Variants in NIT2 observed in about 807,000 individuals in gnomAD.
NIT2 encodes nitrilase family member 2.
NIT2 carries 46 observed loss-of-function variants against 42.7 expected under a neutral mutation model. That is an observed-to-expected ratio of 1.08 (90% CI 0.85 to 1.38). The LOEUF (loss-of-function observed/expected upper bound fraction) is 1.38, where lower values mean the gene tolerates loss of function less well. Ranked by LOEUF, NIT2 falls within the 40% of genes most tolerant of loss-of-function variation. The pLI, the probability that NIT2 is intolerant of heterozygous loss-of-function variation, is 0.00. For synonymous variants in NIT2, 123 were observed against 121.9 expected, an observed-to-expected ratio of 1.01 and a Z score of -0.06; for missense variants, 309 against 342.5, an observed-to-expected ratio of 0.90 and a Z score of 0.77.
chr3:100,339,060 G>A (rs769073703), intron 1 of NIT2, 27 bp from the exon 2 acceptor site: 4 of 1,471,472 alleles, frequency 2.7e-6, no homozygotes, highest in Non-Finnish European at 3.8e-6. Flanking sequence ...TCTTCTGATA[G>A]CTGTTTTCTT....
chr3:100,340,988 C>A, intron 3 of NIT2, 85 bp from the exon 4 acceptor site: 2 of 875,148 alleles, frequency 2.3e-6, no homozygotes, highest in Non-Finnish European at 3.7e-6. Context: ...TATTTTTGGA[C>A]CCAAGTTATC....
rs889867984 is a variant in NIT2, at chr3:100,355,366, C to T, written c.*98C>T. On this transcript the variant is annotated 3_prime_UTR_variant, in exon 10 of 10. Coordinates refer to ENST00000394140, the MANE Select transcript of NIT2 (RefSeq NM_020202.5). ...TTTAATGAAGATTTTTTTTTTAATT[C>T]GGCCTTGTCCTTCCTAGGTTCTCTA... The T allele has an allele frequency of 2.7e-5, 23 of 864,204 alleles. No individual in the cohort carries two copies. Among genetic ancestry groups the T allele is most frequent in the Admixed American group, 1.1e-4 (4 of 37,154 alleles). 53.5% of individuals were successfully genotyped at this position (864,204 alleles called of 1,614,324 possible).
intron 2 of NIT2, 60 bp downstream of exon 2, chr3:100,339,265 G>C: frequency 9.3e-7 from 1 of 1,071,724 alleles, no homozygotes; most frequent in Non-Finnish European, 1.5e-6. Flanking sequence ...AACGGTGTTT[G>C]CTAGCTCTGG....
chr3:100,350,022 G>T (rs1348771530), intron 7 of NIT2: 1 of 152,178 alleles, frequency 6.6e-6, no homozygotes, highest in East Asian at 1.9e-4. Flanking sequence ...GTGAATTTTT[G>T]TGTATTCACC....
intron 5 of NIT2, 39 bp downstream of exon 5, chr3:100,345,717 T>C (rs992804748): frequency 8.2e-7 from 1 of 1,225,756 alleles, no homozygotes; most frequent in South Asian, 1.2e-5. Context: ...GCAATCTCAG[T>C]AGAAGACAAT....
intron 8 of NIT2, among the ~76,000 whole-genome samples, chr3:100,353,993 C>T (rs932859863): frequency 1.3e-5 from 2 of 152,154 alleles, no homozygotes; most frequent in South Asian, 2.1e-4. Flanking sequence ...CCAGGCTGGT[C>T]TCGATCTCCT....
chr3:100,359,572 T>TCAA lies in NIT2; in HGVS notation c.*4307_*4309dup, dbSNP rs1172810733. On this transcript the variant is annotated 3_prime_UTR_variant, in exon 10 of 10. Transcript: ENST00000394140. ...TGTAGACCTGTCCATGTGGCCTCTC[T>TCAA]CAACACCATTGGTGTGACCTTGCTC... 1 of 152,026 alleles carries TCAA rather than the reference T, an allele frequency of 6.6e-6. No homozygotes were observed. The highest frequency in any genetic ancestry group is 1.5e-5 in the Non-Finnish European group (1 of 68,052). 9.4% of individuals were successfully genotyped at this position (152,026 alleles called of 1,614,324 possible).
At chr3:100,348,229 T>C (rs1201415813) in intron 6 of NIT2, among the ~76,000 whole-genome samples, 1 of 152,250 alleles carries the variant, frequency 6.6e-6, no homozygotes, top group African/African-American at 2.4e-5. Context: ...GAAATATTCA[T>C]GACGCTTCCT....
At chr3:100,341,507 T>G (rs112002753) in intron 4 of NIT2, among the ~76,000 whole-genome samples, 1 of 152,158 alleles carries the variant, frequency 6.6e-6, no homozygotes, top group African/African-American at 2.4e-5. Context: ...TAGCTGGGAC[T>G]ACAGGTGCCC....
rs1236460440 is a variant in NIT2 at position 100,360,911 on chromosome 3, G to A, written c.*5643G>A. On this transcript the variant is annotated 3_prime_UTR_variant, in exon 10 of 10. Coordinates refer to ENST00000394140, the MANE Select transcript of NIT2 (RefSeq NM_020202.5). The stretch of plus-strand genomic sequence containing the variant: ...AATAGTGTTTCCCTCTAATGCGAAA[G>A]TCAGGCCAGTTTGCTTGTGACCTCA... 1.3e-5 allele frequency: 2 copies of A among 152,236 alleles called. No homozygotes were observed. The highest frequency in any genetic ancestry group is 2.1e-4 in the South Asian group (1 of 4,834). The allele number at this position is 152,236 out of a possible 1,614,324, so 9.4% of individuals were successfully genotyped here.
Position 100,343,529 on chromosome 3 carries a change from T to A in NIT2, c.337-2056T>A, listed in dbSNP as rs1417462779. Among the ~76,000 whole-genome samples the A allele has an allele frequency of 2.0e-5, 3 of 152,234 alleles. 1 individual carries two copies. The highest frequency in any genetic ancestry group is 2.0e-4 in the Admixed American group (3 of 15,290). On this transcript the variant is annotated intron_variant, in intron 4 of 9. Coordinates refer to ENST00000394140, the MANE Select transcript of NIT2 (RefSeq NM_020202.5). ...TTAAAAAATTGAGATATTAAAATTT[T>A]CAGTTCTGAAATACCCCTTTGCTTC...
intron 1 of NIT2, among the ~76,000 whole-genome samples, chr3:100,335,866 C>T (rs1475473726): frequency 6.6e-6 from 1 of 152,146 alleles, no homozygotes; most frequent in South Asian, 2.1e-4. Context: ...ACAAAATTAG[C>T]CCGGTGTGGT....
chr3:100,351,082 A>C (rs1706267864), intron 7 of NIT2, among the ~76,000 whole-genome samples: 1 of 152,150 alleles, frequency 6.6e-6, no homozygotes, highest in South Asian at 2.1e-4. Context: ...TATATGTGCC[A>C]CATTTTCTTA....
intron 7 of NIT2, 61 bp from the exon 8 acceptor site, chr3:100,352,343 G>C: frequency 7.7e-7 from 1 of 1,300,310 alleles, no homozygotes; most frequent in Non-Finnish European, 1.1e-6. Flanking sequence ...TATCTACTTG[G>C]GTTAGAAAAA....
chr3:100,343,544 C>A (rs1049194965), intron 4 of NIT2, among the ~76,000 whole-genome samples: 1 of 151,920 alleles, frequency 6.6e-6, no homozygotes, highest in Non-Finnish European at 1.5e-5. Flanking sequence ...TCTGAAATAC[C>A]CCTTTGCTTC....
At chr3:100,340,162 C>T (rs772540845) in intron 3 of NIT2, among the ~76,000 whole-genome samples, 98 of 152,094 alleles carry the variant, frequency 6.4e-4, no homozygotes, top group Non-Finnish European at 6.2e-4. Context: ...CCTCACCCTA[C>T]GAGGCTCAAG....
chr3:100,356,294 C>A lies in NIT2; in HGVS notation c.*1026C>A, dbSNP rs1706324785. The A allele has an allele frequency of 1.3e-5, 2 of 152,220 alleles. No individual in the cohort carries two copies. Among genetic ancestry groups the A allele is most frequent in the African/African-American group, 4.8e-5 (2 of 41,460 alleles). The allele number at this position is 152,220 out of a possible 1,614,324, so 9.4% of individuals were successfully genotyped here. On this transcript the variant is annotated 3_prime_UTR_variant, in exon 10 of 10. Transcript: ENST00000394140. ...AAAAAGCCCTGATTTTGCTGCTTTTCATGGTGTAAATACTTAACCATGGCT... is the reference window on the plus strand; with the variant it reads ...AAAAAGCCCTGATTTTGCTGCTTTTAATGGTGTAAATACTTAACCATGGCT...
At chr3:100,353,777 C>CTTTTTTCTTTTTTTTTTTTTT (rs1706297022) in intron 8 of NIT2, among the ~76,000 whole-genome samples, 1 of 140,298 alleles carries the variant, frequency 7.1e-6, no homozygotes, top group African/African-American at 2.6e-5. Context: ...TTTCTTTTTT[C>CTTTTTTCTTTTTTTTTTTTTT]TTTTTTTTTT....
At chr3:100,345,535 C>T (rs1706206532) in intron 4 of NIT2, 50 bp from the exon 5 acceptor site, 2 of 1,250,700 alleles carry the variant, frequency 1.6e-6, no homozygotes, top group Admixed American at 3.6e-5. Flanking sequence ...TCATTACTGC[C>T]ATGGACCCTG....
Sources: allele counts gnomAD v4.1 joint callset (sites outside exome capture counted in the v4.1 genomes callset), GRCh38; gene constraint gnomAD v4.1.1; transcripts MANE v1.5; gene names NCBI Gene and HGNC (gene_info 2026-07-23, HGNC 2026-07-21).